Variants in PTPRM observed in about 807,000 individuals in gnomAD.
PTPRM encodes receptor-type tyrosine-protein phosphatase mu.
Under a neutral mutation model 186.7 loss-of-function variants are expected in PTPRM, and 47 were observed. That is an observed-to-expected ratio of 0.25 (90% CI 0.20 to 0.32). The LOEUF is 0.32. Ranked by LOEUF, PTPRM falls within the 10% of genes least tolerant of loss-of-function variation. The pLI, the probability that PTPRM is intolerant of heterozygous loss-of-function variation, is 1.00. For missense variants in PTPRM, 1,494 were observed against 1,865.0 expected, an observed-to-expected ratio of 0.80 and a Z score of 3.66; for synonymous variants, 668 against 674.9, an observed-to-expected ratio of 0.99 and a Z score of 0.16.
chr18:8,004,332 G>A (rs987429838), intron 7 of PTPRM, among the ~76,000 whole-genome samples: 1 of 152,128 alleles, frequency 6.6e-6, no homozygotes, highest in African/African-American at 2.4e-5. Context: ...TAAATTGTGT[G>A]TGTGTGCCAT....
At chr18:8,376,733 C>CCCTG in intron 26 of PTPRM, 136 bp downstream of exon 26, 1 of 968,474 alleles carries the variant, frequency 1.0e-6, no homozygotes, top group East Asian at 2.9e-5. Flanking sequence ...CCTGTTCCTT[C>CCCTG]CCTCCCTCCC....
At chr18:7,576,958 C>A (rs570309680) in intron 1 of PTPRM, among the ~76,000 whole-genome samples, 29 of 152,202 alleles carry the variant, frequency 1.9e-4, no homozygotes, top group African/African-American at 6.5e-4. Context: ...TGTGTAAAAC[C>A]AGATTACTTA....
intron 11 of PTPRM, among the ~76,000 whole-genome samples, chr18:8,096,750 T>C (rs2091035802): frequency 6.6e-6 from 1 of 152,206 alleles, no homozygotes; most frequent in African/African-American, 2.4e-5. Flanking sequence ...CTTCTAGAGG[T>C]GTTCCAAGCT....
At chr18:7,925,867 C>A (rs935358672) in intron 4 of PTPRM, among the ~76,000 whole-genome samples, 1 of 152,176 alleles carries the variant, frequency 6.6e-6, no homozygotes, top group African/African-American at 2.4e-5. Flanking sequence ...CTTCTCATAC[C>A]AAATAGAATA....
chr18:7,701,371 TG>T (rs2039962806), intron 1 of PTPRM, among the ~76,000 whole-genome samples: 1 of 147,504 alleles, frequency 6.8e-6, no homozygotes, highest in African/African-American at 2.5e-5. Flanking sequence ...GAGGCTGAGG[TG>T]GGTGGATCAC....
At chr18:8,117,299 C>T (rs753598877) in intron 13 of PTPRM, among the ~76,000 whole-genome samples, 7 of 152,146 alleles carry the variant, frequency 4.6e-5, no homozygotes, top group African/African-American at 7.2e-5. Context: ...ACATACTGCT[C>T]ACAGTGCGAT....
intron 7 of PTPRM, among the ~76,000 whole-genome samples, chr18:7,988,690 A>G (rs1029428160): frequency 2.6e-5 from 4 of 152,146 alleles, no homozygotes; most frequent in Admixed American, 2.0e-4. Context: ...ACTTATTTCA[A>G]CAAGCATGAT....
chr18:8,214,807 C>A (rs1171413032), intron 14 of PTPRM, among the ~76,000 whole-genome samples: 2 of 152,118 alleles, frequency 1.3e-5, no homozygotes, highest in Non-Finnish European at 2.9e-5. Flanking sequence ...GGATTACAGG[C>A]ACCCGCCACC....
Position 7,948,587 on chromosome 18 carries a change from C to T in PTPRM, c.664-594C>T, listed in dbSNP as rs887246309. Among the ~76,000 whole-genome samples the T allele has an allele frequency of 6.6e-5, 10 of 152,246 alleles. No individual in the cohort carries two copies. The East Asian group carries it at 1.7e-3, about 26-fold the overall frequency. On this transcript the variant is annotated intron_variant, in intron 5 of 32. Coordinates refer to ENST00000580170, the MANE Select transcript of PTPRM (RefSeq NM_001105244.2). ...GGGGATATGGGATGTAGAGAGGAAC[C>T]TCTCTTGTTACGTATGAATGTCATT...
In PTPRM at chr18:8,406,288, A is replaced by G; in HGVS notation, c.*126A>G. ...TTGCTTTGCATAATTGGCTCTTTTT[A>G]AGAGCCCAAGAAAGTGTTTCTAAAA... On this transcript the variant is annotated 3_prime_UTR_variant, in exon 33 of 33. Transcript: ENST00000580170. The G allele has an allele frequency of 2.3e-6, 2 of 873,866 alleles. No homozygotes were observed. Among genetic ancestry groups the G allele is most frequent in the South Asian group, 3.4e-5 (2 of 58,870 alleles). The allele number at this position is 873,866 out of a possible 1,614,324, so 54.1% of individuals were successfully genotyped here. A position where few individuals can be genotyped will look rare whatever the true frequency, so the allele number is the denominator to read the frequency against.
intron 2 of PTPRM, among the ~76,000 whole-genome samples, chr18:7,778,703 C>T (rs938773177): frequency 5.9e-5 from 9 of 152,094 alleles, no homozygotes; most frequent in Non-Finnish European, 1.0e-4. Context: ...TGGTCTCGAC[C>T]TCTTGACCTC....
intron 2 of PTPRM, among the ~76,000 whole-genome samples, chr18:7,885,381 C>A (rs1005799111): frequency 6.6e-6 from 1 of 152,126 alleles, no homozygotes; most frequent in Non-Finnish European, 1.5e-5. Context: ...CCACCAAACC[C>A]CCCTTCTTGC....
In PTPRM at chr18:8,200,199, C is replaced by T. The variant is rs150046023; in HGVS notation, c.2301-43859C>T. On this transcript the variant is annotated intron_variant, in intron 14 of 32. Transcript: ENST00000580170. ...TTACAAAGTAGAGCAAGTTTGGGGA[C>T]TTCAAAAGCAGTGCCTGGGATGGCA... Among the ~76,000 whole-genome samples, 482 of 152,212 alleles carry T rather than the reference C, an allele frequency of 3.2e-3. 3 individuals carry two copies. Among genetic ancestry groups the T allele is most frequent in the African/African-American group, 0.011 (437 of 41,534 alleles).
chr18:8,246,350 T>C (rs994702378), intron 15 of PTPRM, among the ~76,000 whole-genome samples: 2 of 152,240 alleles, frequency 1.3e-5, no homozygotes, highest in South Asian at 4.2e-4. Flanking sequence ...AAAATAAGCA[T>C]GACCACAGTT....
intron 22 of PTPRM, among the ~76,000 whole-genome samples, chr18:8,331,232 C>T (rs1019994762): frequency 2.6e-5 from 4 of 152,176 alleles, no homozygotes; most frequent in East Asian, 1.9e-4. Flanking sequence ...TGGTTTCTTT[C>T]GGTAGATGGA....
chr18:7,933,316 A>G (rs1265379167), intron 5 of PTPRM, among the ~76,000 whole-genome samples: 2 of 152,260 alleles, frequency 1.3e-5, no homozygotes, highest in African/African-American at 4.8e-5. Flanking sequence ...CTGCTTGCTA[A>G]GATCTACAGT....
At position 8,069,907 on chromosome 18, in the gene PTPRM, T is replaced by G; in HGVS notation, c.1354T>G (p.Tyr452Asp). ...ACACACGATCACTAACCTGTCACCA[T>G]ACACCAATGTCAGTGTGAAACTGAT... ...PQHTITNLSP[Y>D]TNVSVKLILM... Residue 452 changes from tyrosine (Y) to aspartate (D), a missense_variant, in exon 8 of 33, where the codon TAC becomes GAC. This residue lies in a region of PTPRM where 1,107 missense variants were observed against 1,350.2 expected (regional missense o/e 0.82). Coordinates refer to ENST00000580170, the MANE Select transcript of PTPRM (RefSeq NM_001105244.2). The G allele has an allele frequency of 6.2e-7, 1 of 1,613,968 alleles. No individual in the cohort carries two copies. The highest frequency in any genetic ancestry group is 1.1e-5 in the South Asian group (1 of 91,062).
At chr18:8,289,514 GTA>G (rs201077271) in intron 19 of PTPRM, among the ~76,000 whole-genome samples, 8 of 89,804 alleles carry the variant, frequency 8.9e-5, no homozygotes, top group South Asian at 3.3e-4. Flanking sequence ...GTGTGTGTAT[GTA>G]TATATATACA....
Position 7,575,352 on chromosome 18 carries a change from C to G in PTPRM, c.73+7461C>G, listed in dbSNP as rs974756868. Reference sequence around the variant, plus strand: ...TGCCTGAGCCAAGCAAGGTCCAGCCCCATCCATAGATGGCTTCCTGGACAG... The same window carrying G: ...TGCCTGAGCCAAGCAAGGTCCAGCCGCATCCATAGATGGCTTCCTGGACAG... On this transcript the variant is annotated intron_variant, in intron 1 of 32. Coordinates refer to ENST00000580170, the MANE Select transcript of PTPRM (RefSeq NM_001105244.2). Among the ~76,000 whole-genome samples the G allele has an allele frequency of 8.5e-5, 13 of 152,272 alleles. No individual in the cohort carries two copies. In the South Asian group the frequency reaches 2.7e-3, roughly 32 times the overall value.
Sources: allele counts gnomAD v4.1 joint callset (sites outside exome capture counted in the v4.1 genomes callset), GRCh38; gene constraint gnomAD v4.1.1; regional missense constraint gnomAD v4.1.1; transcripts MANE v1.5; gene names NCBI Gene and HGNC (gene_info 2026-07-23, HGNC 2026-07-21).